PTPRG: variants seen among roughly 807,000 people sequenced by gnomAD.
PTPRG encodes the protein protein tyrosine phosphatase receptor type G.
A neutral mutation model predicts 165.3 loss-of-function variants in PTPRG; 102 were observed. The observed-to-expected ratio is 0.62, with a 90% confidence interval of 0.53 to 0.73. The LOEUF (loss-of-function observed/expected upper bound fraction) is 0.73, where lower values mean the gene tolerates loss of function less well. PTPRG is among the 30% of genes least tolerant of loss of function. The pLI is 0.00. For missense variants in PTPRG, 1,866 were observed against 1,861.4 expected, an observed-to-expected ratio of 1.00 and a Z score of -0.05; for synonymous variants, 675 against 669.5, an observed-to-expected ratio of 1.01 and a Z score of -0.13.
At chr3:61,948,321 G>A (rs565225868) in intron 2 of PTPRG, among the ~76,000 whole-genome samples, 47 of 151,024 alleles carry the variant, frequency 3.1e-4, no homozygotes, top group Non-Finnish European at 4.3e-4. Flanking sequence ...GTAAAACTCC[G>A]TTTTACAAAA....
At chr3:61,916,591 C>G (rs149480735) in intron 2 of PTPRG, among the ~76,000 whole-genome samples, 1 of 152,222 alleles carries the variant, frequency 6.6e-6, no homozygotes, top group African/African-American at 2.4e-5. Flanking sequence ...TCATAGATGC[C>G]TATTCGATTG....
At chr3:61,806,167 C>T (rs2035410367) in intron 2 of PTPRG, among the ~76,000 whole-genome samples, 2 of 152,086 alleles carry the variant, frequency 1.3e-5, no homozygotes, top group South Asian at 4.2e-4. Flanking sequence ...CATTTTTAGC[C>T]TGAACTCAGT....
intron 4 of PTPRG, among the ~76,000 whole-genome samples, chr3:62,073,637 G>A (rs545268722): frequency 7.8e-4 from 118 of 152,072 alleles, no homozygotes; most frequent in Middle Eastern, 3.4e-3. Context: ...ACCTGCCACC[G>A]CACCTGGCTA....
intron 8 of PTPRG, among the ~76,000 whole-genome samples, chr3:62,171,627 G>A (rs973801594): frequency 1.3e-5 from 2 of 151,936 alleles, no homozygotes; most frequent in East Asian, 3.9e-4. Context: ...TTCACTTGGT[G>A]TTAATGATTT....
Position 61,561,920 on chromosome 3 carries a change from G to T in PTPRG, c.-368G>T. On this transcript the variant is annotated 5_prime_UTR_variant, in exon 1 of 30. Coordinates refer to ENST00000474889, the MANE Select transcript of PTPRG (RefSeq NM_002841.4). ...TGTGCTGCGCTGCCGACTCAAGTTG[G>T]GGATCCTCGGCTGCTCGCCGCCGCC... 6.2e-6 allele frequency: 1 copy of T among 160,844 alleles called. No homozygotes were observed. Among genetic ancestry groups the T allele is most frequent in the East Asian group, 1.8e-4 (1 of 5,550 alleles). 10.0% of individuals were successfully genotyped at this position (160,844 alleles called of 1,614,324 possible).
chr3:61,618,177 A>G (rs570425004), intron 1 of PTPRG, among the ~76,000 whole-genome samples: 14 of 152,356 alleles, frequency 9.2e-5, no homozygotes, highest in South Asian at 8.3e-4. Context: ...GCCATGTGCT[A>G]TGTGAAAGAT....
intron 1 of PTPRG, among the ~76,000 whole-genome samples, chr3:61,747,147 G>T (rs1225720622): frequency 6.6e-6 from 1 of 152,082 alleles, no homozygotes; most frequent in Non-Finnish European, 1.5e-5. Context: ...ACCAAAAGCA[G>T]TGTATGCCCA....
rs760022654 is a variant in PTPRG, at chr3:62,243,880, C to T, written c.2449C>T (p.Pro817Ser). The change falls in exon 15 of 30, where the codon CCT becomes TCT. Residue 817 changes from proline (P) to serine (S), a missense_variant. By Grantham distance (74) the Pro-to-Ser change is moderately conservative. Coordinates refer to ENST00000474889, the MANE Select transcript of PTPRG (RefSeq NM_002841.4). Reference protein sequence around the residue: ...SPRVVPNESIPIIPIPDDMEA... With the variant: ...SPRVVPNESISIIPIPDDMEA... Reference sequence around the variant, plus strand: ...TCGAGTGGTCCCTAATGAAAGTATCCCTATTATTCCTATTCCGGGTAAGTA... The same window carrying T: ...TCGAGTGGTCCCTAATGAAAGTATCTCTATTATTCCTATTCCGGGTAAGTA... 2 of 1,539,680 alleles carry T rather than the reference C, an allele frequency of 1.3e-6. No homozygotes were observed. Among genetic ancestry groups the T allele is most frequent in the East Asian group, 4.5e-5 (2 of 44,392 alleles).
chr3:62,266,984 G>A (rs899263303), intron 17 of PTPRG, among the ~76,000 whole-genome samples: 1 of 151,610 alleles, frequency 6.6e-6, no homozygotes, highest in African/African-American at 2.4e-5. Context: ...GGGTAGCAGG[G>A]AATCCAAGTG....
intron 2 of PTPRG, among the ~76,000 whole-genome samples, chr3:61,964,700 C>T (rs1432999107): frequency 6.6e-6 from 1 of 152,050 alleles, no homozygotes; most frequent in East Asian, 1.9e-4. Context: ...TATTATAGTT[C>T]CTTTGTCCGT....
chr3:62,152,690 T>G (rs550981775), intron 6 of PTPRG, among the ~76,000 whole-genome samples: 1 of 152,124 alleles, frequency 6.6e-6, no homozygotes, highest in Non-Finnish European at 1.5e-5. Context: ...AAGTCGAGAG[T>G]TAATTCTGTA....
At chr3:61,823,266 C>G (rs987448519) in intron 2 of PTPRG, among the ~76,000 whole-genome samples, 12 of 152,206 alleles carry the variant, frequency 7.9e-5, no homozygotes, top group African/African-American at 1.9e-4. Context: ...TCTCAGCTTA[C>G]TACAACCTCT....
intron 14 of PTPRG, among the ~76,000 whole-genome samples, chr3:62,239,128 G>A (rs1468727560): frequency 1.3e-5 from 2 of 152,088 alleles, no homozygotes; most frequent in African/African-American, 2.4e-5. Flanking sequence ...CTATTTCATT[G>A]ATTTCCCTTT....
Position 62,229,804 on chromosome 3 carries a change from G to A in PTPRG, c.2289-1421G>A, listed in dbSNP as rs780113190. 6.6e-6 allele frequency among the ~76,000 whole-genome samples: 1 copy of A among 152,196 alleles called. No individual in the cohort carries two copies. The highest frequency in any genetic ancestry group is 2.4e-5 in the African/African-American group (1 of 41,442). ...CTCAGCAAAAGTGTTGTCAGTTTACGGGTGGTAGTTTTAAGCGCCTGTGAT... is the reference window on the plus strand; with the variant it reads ...CTCAGCAAAAGTGTTGTCAGTTTACAGGTGGTAGTTTTAAGCGCCTGTGAT... On this transcript the variant is annotated intron_variant, in intron 13 of 29. Coordinates refer to ENST00000474889, the MANE Select transcript of PTPRG (RefSeq NM_002841.4). This position sits in a 1 kb window ranked among gnomAD's most constrained non-coding sequence, Gnocchi z 4.6.
At chr3:61,632,302 C>T (rs1701791366) in intron 1 of PTPRG, among the ~76,000 whole-genome samples, 1 of 136,114 alleles carries the variant, frequency 7.3e-6, no homozygotes, top group Admixed American at 7.4e-5. Context: ...GAGTGAGACC[C>T]TGTTACACAC....
chr3:61,622,570 C>A (rs770070210), intron 1 of PTPRG, among the ~76,000 whole-genome samples: 7 of 152,134 alleles, frequency 4.6e-5, no homozygotes, highest in African/African-American at 1.2e-4. Flanking sequence ...TACTAATTAA[C>A]AAGGATTTAC....
At chr3:61,918,221 T>G (rs1337529704) in intron 2 of PTPRG, among the ~76,000 whole-genome samples, 1 of 152,118 alleles carries the variant, frequency 6.6e-6, no homozygotes, top group Non-Finnish European at 1.5e-5. Context: ...TGATGGAAAT[T>G]TTGATGTCAA....
At chr3:61,883,090 C>A (rs557273504) in intron 2 of PTPRG, among the ~76,000 whole-genome samples, 1 of 136,204 alleles carries the variant, frequency 7.3e-6, no homozygotes, top group African/African-American at 3.0e-5. Context: ...TGTGGCATTT[C>A]GCACAGGTGA....
chr3:61,952,366 C>T (rs1169273295), intron 2 of PTPRG, among the ~76,000 whole-genome samples: 1 of 152,048 alleles, frequency 6.6e-6, no homozygotes, highest in Non-Finnish European at 1.5e-5. Flanking sequence ...TTTATCCACA[C>T]CAAAGCTTTG....
Sources: gnomAD v4.1 joint callset for allele counts (sites outside exome capture counted in the v4.1 genomes callset) on GRCh38, gnomAD v4.1.1 for gene constraint, Gnocchi (gnomAD v3.1) non-coding constraint, MANE v1.5 for transcripts, NCBI Gene and HGNC (gene_info 2026-07-23, HGNC 2026-07-21) for gene names.